The following MMP16 variants were observed in gnomAD, a reference collection of about 807,000 sequenced individuals.
MMP16 encodes the protein matrix metallopeptidase 16.
Under a neutral mutation model 67.8 loss-of-function variants are expected in MMP16, and 12 were observed. The observed-to-expected ratio is 0.18, with a 90% CI of 0.11 to 0.29. The LOEUF (loss-of-function observed/expected upper bound fraction) is 0.29, where lower values mean the gene tolerates loss of function less well. Ranked by LOEUF, MMP16 falls within the 10% of genes least tolerant of loss-of-function variation. The pLI is 1.00. For synonymous variants in MMP16, 249 were observed against 255.9 expected (o/e 0.97, Z 0.26); for missense variants, 475 against 765.7 (o/e 0.62, Z 4.48).
At chr8:88,299,461 C>T (rs930964959) in intron 1 of MMP16, among the ~76,000 whole-genome samples, 2 of 152,050 alleles carry the variant, frequency 1.3e-5, no homozygotes, top group Middle Eastern at 3.4e-3. Context: ...TTTCCATCAC[C>T]CACTTCTTCC....
At chr8:88,096,515 AT>A (rs67538227) in intron 6 of MMP16, among the ~76,000 whole-genome samples, 1 of 150,790 alleles carries the variant, frequency 6.6e-6, no homozygotes, top group African/African-American at 2.4e-5. Context: ...GATCACTGCC[AT>A]TTTTTTTTGT....
At chr8:88,285,532 G>A (rs560215940) in intron 1 of MMP16, among the ~76,000 whole-genome samples, 8 of 152,208 alleles carry the variant, frequency 5.3e-5, no homozygotes, top group African/African-American at 1.7e-4. Flanking sequence ...CACTTTCAAA[G>A]TATCACACTC....
intron 1 of MMP16, among the ~76,000 whole-genome samples, chr8:88,243,836 A>G (rs191453201): frequency 2.0e-5 from 3 of 152,268 alleles, no homozygotes; most frequent in East Asian, 3.9e-4. Context: ...CTTTCTAGGT[A>G]ATAGTCCTCG....
In MMP16 at chr8:88,112,666, G is replaced by GGTGT. The variant is rs6150692; in HGVS notation, c.1083+3837_1083+3840dup. ...AATTTTTCATGCATAAGGACAGAAG[G>GGTGT]GTGTGTGTGTGTGTGTGTCTGTGTG... is the stretch of plus-strand genomic sequence containing the variant. On this transcript the variant is annotated intron_variant, in intron 6 of 9. Transcript: ENST00000286614. 3.5e-4 allele frequency among the ~76,000 whole-genome samples: 52 copies of GGTGT among 146,898 alleles called. 1 individual carries two copies. Among genetic ancestry groups the GGTGT allele is most frequent in the Non-Finnish European group, 5.6e-4 (37 of 66,606 alleles).
At chr8:88,283,873 C>T (rs1447720807) in intron 1 of MMP16, among the ~76,000 whole-genome samples, 1 of 152,204 alleles carries the variant, frequency 6.6e-6, no homozygotes, top group African/African-American at 2.4e-5. Flanking sequence ...TACACAACAT[C>T]ATTACCCACA....
At chr8:88,269,980 T>G (rs563183378) in intron 1 of MMP16, among the ~76,000 whole-genome samples, 20 of 152,332 alleles carry the variant, frequency 1.3e-4, no homozygotes, top group African/African-American at 4.6e-4. Context: ...TTTCTTTTAT[T>G]TAGTTAGAAT....
At chr8:88,143,757 C>T (rs982264417) in intron 4 of MMP16, among the ~76,000 whole-genome samples, 2 of 151,668 alleles carry the variant, frequency 1.3e-5, no homozygotes, top group Non-Finnish European at 2.9e-5. Context: ...GAAATTCATA[C>T]AGAAACAATA....
chr8:88,054,408 G>T (rs1041601717), intron 8 of MMP16, among the ~76,000 whole-genome samples: 1 of 152,180 alleles, frequency 6.6e-6, no homozygotes, highest in Non-Finnish European at 1.5e-5. Flanking sequence ...TAAAGAATAT[G>T]TTATAAGTCT....
intron 1 of MMP16, among the ~76,000 whole-genome samples, chr8:88,317,202 A>G (rs1249996389): frequency 1.3e-5 from 2 of 152,208 alleles, no homozygotes; most frequent in African/African-American, 4.8e-5. Context: ...TACTGTGGGT[A>G]AAAATACTAT....
At chr8:88,085,947 A>G (rs1808826931) in intron 6 of MMP16, among the ~76,000 whole-genome samples, 1 of 150,212 alleles carries the variant, frequency 6.7e-6, no homozygotes, top group East Asian at 1.9e-4. Flanking sequence ...TTTAAATTCT[A>G]ACTTAGAGAA....
chr8:88,097,246 G>A (rs562863569), intron 6 of MMP16, among the ~76,000 whole-genome samples: 2 of 151,826 alleles, frequency 1.3e-5, no homozygotes, highest in Non-Finnish European at 1.5e-5. Flanking sequence ...GTTGAACCAG[G>A]ATATTAACTA....
intron 1 of MMP16, among the ~76,000 whole-genome samples, chr8:88,320,631 A>C (rs1811443879): frequency 6.6e-6 from 1 of 152,190 alleles, no homozygotes; most frequent in Non-Finnish European, 1.5e-5. Context: ...AACTGTGTTC[A>C]TTGATTTCTT....
At chr8:88,048,087 G>A (rs539052741) in intron 8 of MMP16, among the ~76,000 whole-genome samples, 1 of 152,284 alleles carries the variant, frequency 6.6e-6, no homozygotes, top group South Asian at 2.1e-4. Context: ...AGTAAGGTAA[G>A]GAAGTAAGGG....
chr8:88,229,845 T>C (rs1291791026), intron 1 of MMP16, among the ~76,000 whole-genome samples: 1 of 152,108 alleles, frequency 6.6e-6, no homozygotes, highest in Non-Finnish European at 1.5e-5. Flanking sequence ...TAAGTAATGC[T>C]GTATTTAAAG....
At chr8:88,188,118 C>A (rs1420542851) in intron 2 of MMP16, among the ~76,000 whole-genome samples, 2 of 152,076 alleles carry the variant, frequency 1.3e-5, no homozygotes, top group Admixed American at 6.5e-5. Context: ...GTATCTTGCA[C>A]AACTGGAATA....
At chr8:88,065,513 A>G (rs1455469802) in intron 7 of MMP16, among the ~76,000 whole-genome samples, 2 of 152,078 alleles carry the variant, frequency 1.3e-5, no homozygotes, top group East Asian at 3.9e-4. Context: ...AATATTTATA[A>G]TTCAAAAAAT....
intron 4 of MMP16, among the ~76,000 whole-genome samples, chr8:88,127,075 G>C (rs911577597): frequency 1.1e-4 from 17 of 151,836 alleles, no homozygotes; most frequent in South Asian, 4.1e-4. Flanking sequence ...TTATGTGCCA[G>C]AACAGGAATC....
chr8:88,142,280 ATCCTATTATAT>A (rs1212761269), intron 4 of MMP16, among the ~76,000 whole-genome samples: 4 of 152,170 alleles, frequency 2.6e-5, no homozygotes, highest in Admixed American at 2.6e-4. Flanking sequence ...CATTAAAATA[ATCCTATTATAT>A]TCAATCACAT....
chr8:88,085,911 C>T (rs1360493497), intron 6 of MMP16, among the ~76,000 whole-genome samples: 1 of 149,834 alleles, frequency 6.7e-6, no homozygotes, highest in Non-Finnish European at 1.5e-5. Flanking sequence ...CAGATATGGA[C>T]CCCCTTTTTA....
Sources: gnomAD v4.1 joint callset for allele counts (sites outside exome capture counted in the v4.1 genomes callset) on GRCh38, gnomAD v4.1.1 for gene constraint, MANE v1.5 for transcripts, NCBI Gene and HGNC (gene_info 2026-07-23, HGNC 2026-07-21) for gene names.